Variants in ABCA13 observed in about 807,000 individuals in gnomAD.
ABCA13 encodes the protein ATP-binding cassette sub-family A member 13.
A neutral mutation model predicts 478.7 loss-of-function variants in ABCA13; 476 were observed. The observed-to-expected ratio is 0.99, with a 90% CI of 0.92 to 1.07. The LOEUF (loss-of-function observed/expected upper bound fraction) is 1.07, where lower values mean the gene tolerates loss of function less well. Among genes scored for constraint, ABCA13 ranks in the 50% least tolerant of loss-of-function variants. The pLI, the probability that ABCA13 is intolerant of heterozygous loss-of-function variation, is 0.00. For synonymous variants in ABCA13, 2,252 were observed against 2,158.9 expected (o/e 1.04, Z -1.20); for missense variants, 6,060 against 5,910.6 (o/e 1.03, Z -0.83).
intron 59 of ABCA13, among the ~76,000 whole-genome samples, chr7:48,622,599 CT>C (rs1330826694): frequency 1.3e-5 from 2 of 152,172 alleles, no homozygotes; most frequent in African/African-American, 4.8e-5. Context: ...GATATTCCCC[CT>C]TTCCTAATTG....
At chr7:48,250,505 T>C (rs1792387626) in intron 15 of ABCA13, among the ~76,000 whole-genome samples, 1 of 152,202 alleles carries the variant, frequency 6.6e-6, no homozygotes, top group African/African-American at 2.4e-5. Context: ...CAGTCATTCA[T>C]TAGCCTACAA....
chr7:48,467,106 G>A (rs187469157), intron 44 of ABCA13, 61 bp downstream of exon 44: 1 of 1,485,510 alleles, frequency 6.7e-7, no homozygotes, highest in Non-Finnish European at 9.4e-7. Flanking sequence ...TGTAGCCTGG[G>A]AGGACTGTTT....
intron 28 of ABCA13, among the ~76,000 whole-genome samples, chr7:48,337,739 C>T (rs1806488071): frequency 6.6e-6 from 1 of 152,130 alleles, no homozygotes; most frequent in Non-Finnish European, 1.5e-5. Flanking sequence ...CAGTGCAATG[C>T]AAGTACATGG....
chr7:48,614,678 A>G (rs1311697519), intron 58 of ABCA13, among the ~76,000 whole-genome samples: 1 of 150,408 alleles, frequency 6.6e-6, no homozygotes, highest in Non-Finnish European at 1.5e-5. Context: ...AATGTGGCAC[A>G]TATACACCAT....
At chr7:48,437,400 G>A (rs1232146402) in intron 42 of ABCA13, among the ~76,000 whole-genome samples, 1 of 151,974 alleles carries the variant, frequency 6.6e-6, no homozygotes, top group African/African-American at 2.4e-5. Context: ...TCTAATCTAT[G>A]TGTATCCATA....
chr7:48,494,292 A>G (rs1830083688), intron 48 of ABCA13, among the ~76,000 whole-genome samples: 1 of 152,200 alleles, frequency 6.6e-6, no homozygotes, highest in African/African-American at 2.4e-5. Flanking sequence ...AAATCTCCAA[A>G]TCACAATGAG....
Position 48,516,846 on chromosome 7 carries a change from A to G in ABCA13, c.13762A>G (p.Met4588Val), listed in dbSNP as rs374853576. 1.1e-5 allele frequency: 17 copies of G among 1,613,530 alleles called. No individual in the cohort carries two copies. Among genetic ancestry groups the G allele is most frequent in the Non-Finnish European group, 1.3e-5 (15 of 1,179,688 alleles). The part of the protein sequence containing the change: ...FGLCTMLITI[M>V]PRLLAIISKA... The stretch of plus-strand genomic sequence containing the variant: ...CCTTTGTACCATGCTCATAACCATT[A>G]TGCCCCGGTTGCTAGCCATCATCTC... The change falls in exon 52 of 62, where the codon ATG becomes GTG. Residue 4588 changes from methionine (M) to valine (V), a missense_variant. This residue lies in a region of ABCA13 where 1,627 missense variants were observed against 1,571.0 expected (regional missense o/e 1.04). Transcript: ENST00000435803.
chr7:48,361,915 A>G (rs1041514639), intron 31 of ABCA13, among the ~76,000 whole-genome samples: 1 of 152,000 alleles, frequency 6.6e-6, no homozygotes, highest in Non-Finnish European at 1.5e-5. Flanking sequence ...GCTTTGTAAT[A>G]GTATGTTTTT....
chr7:48,293,192 G>GCCCCACC (rs1554419599), intron 20 of ABCA13, among the ~76,000 whole-genome samples: 21 of 108,276 alleles, frequency 1.9e-4, no homozygotes, highest in African/African-American at 6.1e-4. Context: ...GAAGTCTTCA[G>GCCCCACC]CCCCCCCCCC....
intron 59 of ABCA13, among the ~76,000 whole-genome samples, chr7:48,622,762 G>C (rs1472630089): frequency 6.6e-6 from 1 of 152,262 alleles, no homozygotes; most frequent in Admixed American, 6.5e-5. Flanking sequence ...CCAGCTGTAA[G>C]TGCTTTATAC....
chr7:48,359,707 C>T (rs1320487688), intron 31 of ABCA13, among the ~76,000 whole-genome samples: 3 of 151,962 alleles, frequency 2.0e-5, no homozygotes, highest in Non-Finnish European at 2.9e-5. Flanking sequence ...CCTCCCTGCA[C>T]TTGCCTCAAA....
intron 38 of ABCA13, among the ~76,000 whole-genome samples, chr7:48,397,844 A>T (rs1441453295): frequency 6.6e-6 from 1 of 152,216 alleles, no homozygotes; most frequent in Admixed American, 6.5e-5. Flanking sequence ...GAGGGACCGA[A>T]GTCCATTGTT....
intron 15 of ABCA13, among the ~76,000 whole-genome samples, chr7:48,262,202 G>A (rs1794280436): frequency 1.3e-5 from 2 of 151,948 alleles, no homozygotes; most frequent in South Asian, 4.1e-4. Context: ...ACCATCAGCT[G>A]TGTCTATTAC....
chr7:48,606,890 C>T (rs886454385), intron 58 of ABCA13, among the ~76,000 whole-genome samples: 2 of 152,154 alleles, frequency 1.3e-5, no homozygotes, highest in African/African-American at 2.4e-5. Context: ...GGGCTGCTGC[C>T]GTTTTTCCAG....
chr7:48,248,486 A>G (rs753491720), intron 14 of ABCA13, 42 bp downstream of exon 14: 2 of 1,458,926 alleles, frequency 1.4e-6, no homozygotes, highest in Non-Finnish European at 9.2e-7. Context: ...CAATTGGGAC[A>G]TCAGAATGAT....
At chr7:48,602,388 G>A (rs1468246800) in intron 58 of ABCA13, among the ~76,000 whole-genome samples, 1 of 152,108 alleles carries the variant, frequency 6.6e-6, no homozygotes, top group Non-Finnish European at 1.5e-5. Context: ...TCCATCTTGA[G>A]TTAATTTTCC....
chr7:48,516,844 T>G lies in ABCA13; in HGVS notation c.13760T>G (p.Ile4587Ser). Residue 4587 changes from isoleucine (I) to serine (S), a missense_variant, in exon 52 of 62, where the codon ATT becomes AGT. This residue lies in a region of ABCA13 where 1,627 missense variants were observed against 1,571.0 expected (regional missense o/e 1.04). Transcript: ENST00000435803. ...GGCCTTTGTACCATGCTCATAACCA[T>G]TATGCCCCGGTTGCTAGCCATCATC... ...IFGLCTMLIT[I>S]MPRLLAIISK... 6.2e-7 allele frequency: 1 copy of G among 1,613,708 alleles called. No individual in the cohort carries two copies.
rs561926458 is a variant in ABCA13 at position 48,317,115 on chromosome 7, G to A, written c.9860-42G>A. Reference sequence around the variant, plus strand: ...GAATTTCCCTATTAACCTAGGCATCGTGTATCATTAGCAACTTTTTTTTTC... The same window carrying A: ...GAATTTCCCTATTAACCTAGGCATCATGTATCATTAGCAACTTTTTTTTTC... On this transcript the variant is annotated intron_variant, in intron 26 of 61. Coordinates refer to ENST00000435803, the MANE Select transcript of ABCA13 (RefSeq NM_152701.5). 21 of 1,559,348 alleles carry A rather than the reference G, an allele frequency of 1.3e-5. No individual in the cohort carries two copies. The Admixed American group carries it at 1.9e-4, about 14-fold the overall frequency.
intron 19 of ABCA13, among the ~76,000 whole-genome samples, chr7:48,282,891 C>A (rs1797241386): frequency 6.6e-6 from 1 of 152,126 alleles, no homozygotes; most frequent in South Asian, 2.1e-4. Context: ...ACAAACCTGG[C>A]ACATGGGGAT....
Sources: allele counts gnomAD v4.1 joint callset (sites outside exome capture counted in the v4.1 genomes callset), GRCh38; gene constraint gnomAD v4.1.1; regional missense constraint gnomAD v4.1.1; transcripts MANE v1.5; gene names NCBI Gene and HGNC (gene_info 2026-07-23, HGNC 2026-07-21).